PURB: variants seen among roughly 807,000 people sequenced by gnomAD.
PURB encodes purine rich element binding protein B, also known as transcriptional regulator protein Pur-beta.
PURB carries 11 observed loss-of-function variants against 21.1 expected under a neutral mutation model. That is an observed-to-expected ratio of 0.52 (90% CI 0.33 to 0.86). The LOEUF (loss-of-function observed/expected upper bound fraction) is 0.86. Ranked by LOEUF, PURB falls within the 40% of genes least tolerant of loss-of-function variation. The pLI, the probability that PURB is intolerant of heterozygous loss-of-function variation, is 0.02. For missense variants in PURB, 357 were observed against 456.5 expected (o/e 0.78, Z 1.99); for synonymous variants, 246 against 210.8 (o/e 1.17, Z -1.45).
chr7:44,879,640 T>C lies in PURB; in HGVS notation c.*4770A>G, dbSNP rs887321395. 1.3e-4 allele frequency: 20 copies of C among 152,600 alleles called. No individual in the cohort carries two copies. Among genetic ancestry groups the C allele is most frequent in the African/African-American group, 4.8e-4 (20 of 41,448 alleles). The allele number at this position is 152,600 out of a possible 1,614,324, so 9.5% of individuals were successfully genotyped here. ...CCTTAAGGCTCAAGGGAAAGTAACT[T>C]ATTAAATTGTGAATGCAGCATTATT... On this transcript the variant is annotated 3_prime_UTR_variant, in exon 1 of 1. Transcript: ENST00000395699.
rs527387558 is a variant in PURB at position 44,878,957 on chromosome 7, T to C, written c.*5453A>G. 6.6e-6 allele frequency: 1 copy of C among 152,314 alleles called. No individual in the cohort carries two copies. Among genetic ancestry groups the C allele is most frequent in the South Asian group, 2.1e-4 (1 of 4,830 alleles). 9.4% of individuals were successfully genotyped at this position (152,314 alleles called of 1,614,324 possible). On this transcript the variant is annotated 3_prime_UTR_variant, in exon 1 of 1. Coordinates refer to ENST00000395699, the MANE Select transcript of PURB (RefSeq NM_033224.5). ...GCTGAAACTTCTGGGGGGCTAATACTTGAAAATTAAGGACTTTGTTTTTTC... is the reference window on the plus strand; with the variant it reads ...GCTGAAACTTCTGGGGGGCTAATACCTGAAAATTAAGGACTTTGTTTTTTC...
At position 44,885,199 on chromosome 7, in the gene PURB, C is replaced by A. The variant is rs115436770; in HGVS notation, c.150G>T (p.Val50=). 4 of 1,587,322 alleles carry A rather than the reference C, an allele frequency of 2.5e-6. No homozygotes were observed. Among genetic ancestry groups the A allele is most frequent in the Non-Finnish European group, 3.4e-6 (4 of 1,171,336 alleles). ...DIQNKRFYLD[V]KQNAKGRFLK... is the part of the protein sequence containing the mutation. ...GGAAGCGGCCCTTGGCGTTCTGCTT[C>A]ACATCTAAGTAGAAGCGCTTGTTCT... The change falls in exon 1 of 1, where the codon GTG becomes GTT. Residue 50 remains valine, a synonymous_variant. Transcript: ENST00000395699.
rs1277624745 is a variant in PURB, at chr7:44,885,244, G to A, written c.105C>T (p.Ala35=). The change falls in exon 1 of 1, where the codon GCC becomes GCT. Residue 35 remains alanine (A), a synonymous_variant. Transcript: ENST00000395699. ...GGGEQETQEL[A]SKRLDIQNKR... Reference sequence around the variant, plus strand: ...TGTTCTGGATGTCCAGCCGCTTCGAGGCCAGCTCCTGCGTCTCTTGCTCGC... The same window carrying A: ...TGTTCTGGATGTCCAGCCGCTTCGAAGCCAGCTCCTGCGTCTCTTGCTCGC... The A allele has an allele frequency of 3.2e-6, 5 of 1,565,398 alleles. No homozygotes were observed. Among genetic ancestry groups the A allele is most frequent in the Admixed American group, 1.8e-5 (1 of 54,708 alleles).
chr7:44,881,020 T>C lies in PURB; in HGVS notation c.*3390A>G, dbSNP rs567716956. 3.9e-5 allele frequency: 6 copies of C among 152,724 alleles called. No individual in the cohort carries two copies. Among genetic ancestry groups the C allele is most frequent in the South Asian group, 2.1e-4 (1 of 4,828 alleles). 9.5% of individuals were successfully genotyped at this position (152,724 alleles called of 1,614,324 possible). A position where few individuals can be genotyped will look rare whatever the true frequency, so the allele number is the denominator to read the frequency against. ...CCACTTGCTGAAATGATAGGGACAA[T>C]AGAAACCAAAACCAAAACATAGAAG... On this transcript the variant is annotated 3_prime_UTR_variant, in exon 1 of 1. Transcript: ENST00000395699.
At position 44,878,729 on chromosome 7, in the gene PURB, T is replaced by C. The variant is rs1037619556; in HGVS notation, c.*5681A>G. 4 of 152,678 alleles carry C rather than the reference T, an allele frequency of 2.6e-5. No homozygotes were observed. Among genetic ancestry groups the C allele is most frequent in the Admixed American group, 6.5e-5 (1 of 15,276 alleles). The allele number at this position is 152,678 out of a possible 1,614,324, so 9.5% of individuals were successfully genotyped here. On this transcript the variant is annotated 3_prime_UTR_variant, in exon 1 of 1. Transcript: ENST00000395699. ...TATCAATTGGGAATCTCTAAGGTAA[T>C]AAGTTTTCTTGATGCGATTTTATTA...
At position 44,885,202 on chromosome 7, in the gene PURB, A is replaced by G. The variant is rs1793939961; in HGVS notation, c.147T>C (p.Asp49=). The change falls in exon 1 of 1, where the codon GAT becomes GAC. Residue 49 remains aspartate (D), a synonymous_variant. Transcript: ENST00000395699. ...LDIQNKRFYL[D]VKQNAKGRFL... is the part of the protein sequence containing the mutation. ...AGCGGCCCTTGGCGTTCTGCTTCAC[A>G]TCTAAGTAGAAGCGCTTGTTCTGGA... 4.4e-6 allele frequency: 7 copies of G among 1,585,940 alleles called. No individual in the cohort carries two copies. Among genetic ancestry groups the G allele is most frequent in the Non-Finnish European group, 6.0e-6 (7 of 1,170,752 alleles).
At position 44,884,706 on chromosome 7, in the gene PURB, GGCCGCCCCCTGGGCCCCCGGC is replaced by G. The variant is rs1344666297; in HGVS notation, c.622_642del (p.Ala208_Gly214del). On this transcript the variant is annotated inframe_deletion, in exon 1 of 1. Transcript: ENST00000395699. The stretch of plus-strand genomic sequence containing the variant: ...GTGCCCTCCGGGAGCTCTCCATACA[GGCCGCCCCCTGGGCCCCCGGC>G]GCCGCCTCCCGGGCCGCCTGCCAGC... 5.0e-6 allele frequency: 8 copies of G among 1,613,546 alleles called. No homozygotes were observed. The highest frequency in any genetic ancestry group is 6.8e-6 in the Non-Finnish European group (8 of 1,179,990).
At position 44,882,420 on chromosome 7, in the gene PURB, G is replaced by A. The variant is rs1158839482; in HGVS notation, c.*1990C>T. On this transcript the variant is annotated 3_prime_UTR_variant, in exon 1 of 1. Coordinates refer to ENST00000395699, the MANE Select transcript of PURB (RefSeq NM_033224.5). ...GTTTAAAAATTCTACTGTGGATGAT[G>A]AGAGTAGAGAAATAGTCTGAAAAGG... The A allele has an allele frequency of 6.6e-6, 1 of 152,626 alleles. No individual in the cohort carries two copies. The highest frequency in any genetic ancestry group is 1.5e-5 in the Non-Finnish European group (1 of 68,046). The allele number at this position is 152,626 out of a possible 1,614,324, so 9.5% of individuals were successfully genotyped here. A position where few individuals can be genotyped will look rare whatever the true frequency, so the allele number is the denominator to read the frequency against.
chr7:44,884,825 G>C lies in PURB; in HGVS notation c.524C>G (p.Pro175Arg). The change falls in exon 1 of 1, where the codon CCT becomes CGT. Residue 175 changes from proline (P) to arginine (R), a missense_variant. Transcript: ENST00000395699. ...GLQSGQTIAL[P>R]AQGLIEFRDA... is the part of the protein sequence containing the mutation. ...GCGGAACTCGATGAGGCCCTGCGCA[G>C]GCAGCGCGATGGTCTGGCCGCTCTG... The C allele has an allele frequency of 6.3e-7, 1 of 1,582,254 alleles. No individual in the cohort carries two copies. Among genetic ancestry groups the C allele is most frequent in the Non-Finnish European group, 8.6e-7 (1 of 1,165,082 alleles).
Position 44,876,739 on chromosome 7 carries a change from CT to C in PURB, c.*7670del, listed in dbSNP as rs1174539796. ...TTCTTTAAAAAATAAGAGGAATAAT[CT>C]TTACTCTTTAACCAAGGTACTTAAA... On this transcript the variant is annotated 3_prime_UTR_variant, in exon 1 of 1. Transcript: ENST00000395699. The C allele has an allele frequency of 6.6e-6, 1 of 152,628 alleles. No homozygotes were observed. The allele number at this position is 152,628 out of a possible 1,614,324, so 9.5% of individuals were successfully genotyped here.
rs1414546404 is a variant in PURB, at chr7:44,879,638, C to A, written c.*4772G>T. ...TACCTTAAGGCTCAAGGGAAAGTAA[C>A]TTATTAAATTGTGAATGCAGCATTA... On this transcript the variant is annotated 3_prime_UTR_variant, in exon 1 of 1. Coordinates refer to ENST00000395699, the MANE Select transcript of PURB (RefSeq NM_033224.5). The A allele has an allele frequency of 2.0e-5, 3 of 152,542 alleles. No homozygotes were observed. Among genetic ancestry groups the A allele is most frequent in the South Asian group, 2.1e-4 (1 of 4,830 alleles). The allele number at this position is 152,542 out of a possible 1,614,324, so 9.4% of individuals were successfully genotyped here.
chr7:44,884,472 G>A lies in PURB; in HGVS notation c.877C>T (p.Arg293Ter). The change falls in exon 1 of 1, where the codon CGA becomes TGA. Residue 293 changes from arginine (R) to a stop codon, truncating the protein, a stop_gained. Transcript: ENST00000395699. LOFTEE classifies it high-confidence loss of function. ...QERQRDKLYE[R>*]RGGGSGGGEE... ...CCGCCGCCGCTGCCCCCACCACGTC[G>A]CTCATAAAGCTTATCCCTCTGTCGT... The A allele has an allele frequency of 6.2e-7, 1 of 1,613,646 alleles. No individual in the cohort carries two copies. Among genetic ancestry groups the A allele is most frequent in the South Asian group, 1.1e-5 (1 of 91,068 alleles).
chr7:44,884,851 CAAGCCGCCCGGCCCGGGGCCCGCGCCG>C lies in PURB; in HGVS notation c.471_497del (p.Phe157_Gly165del). ...GCAGCGCGATGGTCTGGCCGCTCTG[CAAGCCGCCCGGCCCGGGGCCCGCGCCG>C]AAGCCGCCACCGCCGCGGTTGACCG... is the stretch of plus-strand genomic sequence containing the variant. On this transcript the variant is annotated inframe_deletion, in exon 1 of 1. Transcript: ENST00000395699. 6.4e-7 allele frequency: 1 copy of C among 1,563,100 alleles called. No homozygotes were observed. Among genetic ancestry groups the C allele is most frequent in the South Asian group, 1.1e-5 (1 of 87,086 alleles).
Position 44,885,484 on chromosome 7 carries a change from C to G in PURB, c.-136G>C, listed in dbSNP as rs551057772. ...GCCGCTCATCGCCGGCCGCCGCCGCCCCCCCATCGCCTCCGCGCCCCGCCC... is the reference window on the plus strand; with the variant it reads ...GCCGCTCATCGCCGGCCGCCGCCGCGCCCCCATCGCCTCCGCGCCCCGCCC... On this transcript the variant is annotated 5_prime_UTR_variant, in exon 1 of 1. Transcript: ENST00000395699. The G allele has an allele frequency of 4.1e-3, 760 of 184,812 alleles. 3 individuals are homozygous for G. The highest frequency in any genetic ancestry group is 6.2e-3 in the Non-Finnish European group (610 of 97,874). 11.4% of individuals were successfully genotyped at this position (184,812 alleles called of 1,614,324 possible). A position where few individuals can be genotyped will look rare whatever the true frequency, so the allele number is the denominator to read the frequency against.
Position 44,880,319 on chromosome 7 carries a change from T to C in PURB, c.*4091A>G, listed in dbSNP as rs1793858743. 1 of 152,618 alleles carries C rather than the reference T, an allele frequency of 6.6e-6. No individual in the cohort carries two copies. Among genetic ancestry groups the C allele is most frequent in the African/African-American group, 2.4e-5 (1 of 41,448 alleles). The allele number at this position is 152,618 out of a possible 1,614,324, so 9.5% of individuals were successfully genotyped here. On this transcript the variant is annotated 3_prime_UTR_variant, in exon 1 of 1. Transcript: ENST00000395699. ...CCTTTCTCACTGATCAAGGCCACAC[T>C]ATTTTCAAATGAATATCTACTGAGA...
Position 44,879,941 on chromosome 7 carries a change from A to T in PURB, c.*4469T>A, listed in dbSNP as rs1468660834. 1 of 152,400 alleles carries T rather than the reference A, an allele frequency of 6.6e-6. No homozygotes were observed. Among genetic ancestry groups the T allele is most frequent in the Non-Finnish European group, 1.5e-5 (1 of 68,030 alleles). The allele number at this position is 152,400 out of a possible 1,614,324, so 9.4% of individuals were successfully genotyped here. On this transcript the variant is annotated 3_prime_UTR_variant, in exon 1 of 1. Transcript: ENST00000395699. ...TTTTTTCAAGTGAAGTACAAAGTAGAAAAGGAGCAAAAAGATGGAGGCTCT... is the reference window on the plus strand; with the variant it reads ...TTTTTTCAAGTGAAGTACAAAGTAGTAAAGGAGCAAAAAGATGGAGGCTCT...
rs1304824513 is a variant in PURB, at chr7:44,884,677, G to T, written c.672C>A (p.Ser224=). The change falls in exon 1 of 1, where the codon TCC becomes TCA. Residue 224 remains serine, a synonymous_variant. Coordinates refer to ENST00000395699, the MANE Select transcript of PURB (RefSeq NM_033224.5). ...AGAAGCGCTTGGAGTCCACGGTGAT[G>T]GAGGTGCCCTCCGGGAGCTCTCCAT... The part of the protein sequence containing the change: ...GLYGELPEGT[S]ITVDSKRFFF... The T allele has an allele frequency of 6.2e-7, 1 of 1,614,124 alleles. No homozygotes were observed. The highest frequency in any genetic ancestry group is 1.1e-5 in the South Asian group (1 of 91,092).
rs749844018 is a variant in PURB, at chr7:44,882,149, T to C, written c.*2261A>G. On this transcript the variant is annotated 3_prime_UTR_variant, in exon 1 of 1. Coordinates refer to ENST00000395699, the MANE Select transcript of PURB (RefSeq NM_033224.5). ...ACTTAAATAGTTTCTGCAAACCTAA[T>C]GCTAGCTTCTCAGCTCCTTTACTAA... 3 of 152,590 alleles carry C rather than the reference T, an allele frequency of 2.0e-5. No individual in the cohort carries two copies. Among genetic ancestry groups the C allele is most frequent in the African/African-American group, 4.8e-5 (2 of 41,452 alleles). The allele number at this position is 152,590 out of a possible 1,614,324, so 9.5% of individuals were successfully genotyped here.
Position 44,880,178 on chromosome 7 carries a change from T to C in PURB, c.*4232A>G, listed in dbSNP as rs1034787235. On this transcript the variant is annotated 3_prime_UTR_variant, in exon 1 of 1. Coordinates refer to ENST00000395699, the MANE Select transcript of PURB (RefSeq NM_033224.5). ...GAATTAACTCCAGGGTCAAAAACAT[T>C]AACTTTCCCCAATCAAAAAGGAGAC... 2 of 137,224 alleles carry C rather than the reference T, an allele frequency of 1.5e-5. No individual in the cohort carries two copies. Among genetic ancestry groups the C allele is most frequent in the Non-Finnish European group, 3.1e-5 (2 of 64,646 alleles). The allele number at this position is 137,224 out of a possible 1,614,324, so 8.5% of individuals were successfully genotyped here.
Sources: allele counts gnomAD v4.1 joint callset, GRCh38; gene constraint gnomAD v4.1.1; transcripts MANE v1.5; gene names NCBI Gene and HGNC (gene_info 2026-07-23, HGNC 2026-07-21).